Variants in ICA1 observed in about 807,000 individuals in gnomAD.
ICA1 encodes islet cell autoantigen 1, also known as 69 kDa islet cell autoantigen.
In ICA1, 40 loss-of-function variants were observed where a neutral mutation model predicts 71.0. The ratio of observed to expected loss-of-function variants is 0.56; its 90% CI spans 0.44 to 0.73. The LOEUF (loss-of-function observed/expected upper bound fraction) is 0.73. Among genes scored for constraint, ICA1 ranks in the 30% least tolerant of loss-of-function variants. ICA1 has a pLI of 0.00. For missense variants in ICA1, 578 were observed against 576.5 expected, an observed-to-expected ratio of 1.00 and a Z score of -0.03; for synonymous variants, 207 against 209.5, an observed-to-expected ratio of 0.99 and a Z score of 0.10.
chr7:8,137,254 T>C (rs1400236246), intron 12 of ICA1, among the ~76,000 whole-genome samples: 1 of 151,988 alleles, frequency 6.6e-6, no homozygotes, highest in Non-Finnish European at 1.5e-5. Flanking sequence ...TACTACCTAG[T>C]CAAATTCAAA....
chr7:8,239,568 G>C (rs1335792850), intron 1 of ICA1, among the ~76,000 whole-genome samples: 4 of 152,240 alleles, frequency 2.6e-5, no homozygotes, highest in Non-Finnish European at 4.4e-5. Flanking sequence ...GCAACCCACA[G>C]AGGGTGAGCC....
At chr7:8,210,957 G>A (rs1793584024) in intron 6 of ICA1, among the ~76,000 whole-genome samples, 1 of 137,348 alleles carries the variant, frequency 7.3e-6, no homozygotes. Context: ...CTGGGTTGGC[G>A]GGACTCCTGA....
intron 6 of ICA1, among the ~76,000 whole-genome samples, chr7:8,189,785 G>C (rs540973716): frequency 1.3e-5 from 2 of 151,650 alleles, no homozygotes; most frequent in African/African-American, 4.9e-5. Context: ...GGCTGGGCAG[G>C]GGGGCTGGGC....
chr7:8,259,412 C>T (rs1252098410), intron 1 of ICA1, among the ~76,000 whole-genome samples: 1 of 152,134 alleles, frequency 6.6e-6, no homozygotes, highest in African/African-American at 2.4e-5. Flanking sequence ...GAGTGTTTTC[C>T]ATAAAGCCCA....
At chr7:8,199,921 G>C (rs1047424423) in intron 6 of ICA1, among the ~76,000 whole-genome samples, 1 of 152,174 alleles carries the variant, frequency 6.6e-6, no homozygotes, top group African/African-American at 2.4e-5. Flanking sequence ...AGGGTAATGG[G>C]AAGTGGGAAG....
chr7:8,155,286 C>A (rs1037500784), intron 8 of ICA1, among the ~76,000 whole-genome samples: 1 of 152,198 alleles, frequency 6.6e-6, no homozygotes, highest in African/African-American at 2.4e-5. Context: ...AACAGATAGT[C>A]ATCTGCCCAA....
chr7:8,145,439 CTA>C (rs1796534373), intron 8 of ICA1, among the ~76,000 whole-genome samples: 1 of 152,044 alleles, frequency 6.6e-6, no homozygotes, highest in Admixed American at 6.5e-5. Context: ...CTCATTAATC[CTA>C]TGAGTGTTTT....
chr7:8,248,983 C>A (rs1034306686), intron 1 of ICA1, among the ~76,000 whole-genome samples: 1 of 152,154 alleles, frequency 6.6e-6, no homozygotes, highest in Admixed American at 6.5e-5. Context: ...GACCTCCTGA[C>A]CAATAGTTTT....
chr7:8,195,704 G>GAAAAA (rs1787234605), intron 6 of ICA1, among the ~76,000 whole-genome samples: 1 of 151,992 alleles, frequency 6.6e-6, no homozygotes, highest in Non-Finnish European at 1.5e-5. Context: ...ATCCGGCCGG[G>GAAAAA]CACAGTGGCT....
chr7:8,192,299 CT>C (rs934988585), intron 6 of ICA1, among the ~76,000 whole-genome samples: 2 of 152,084 alleles, frequency 1.3e-5, no homozygotes, highest in African/African-American at 4.8e-5. Flanking sequence ...CTGGGTCTGT[CT>C]TTTTTCAGGG....
At chr7:8,162,025 G>T (rs1164088688) in intron 6 of ICA1, among the ~76,000 whole-genome samples, 2 of 152,164 alleles carry the variant, frequency 1.3e-5, no homozygotes, top group African/African-American at 4.8e-5. Flanking sequence ...TATTCGTAAG[G>T]CTGGCCTACT....
At chr7:8,195,386 G>GA (rs1787111798) in intron 6 of ICA1, among the ~76,000 whole-genome samples, 1 of 151,482 alleles carries the variant, frequency 6.6e-6, no homozygotes, top group East Asian at 2.0e-4. Flanking sequence ...ACTAAAAATA[G>GA]AAAAAATTAG....
At chr7:8,143,531 C>T (rs1050843327) in intron 9 of ICA1, among the ~76,000 whole-genome samples, 1 of 152,136 alleles carries the variant, frequency 6.6e-6, no homozygotes, top group South Asian at 2.1e-4. Flanking sequence ...TGACAAAGGA[C>T]CAGATAGGGT....
intron 8 of ICA1, chr7:8,156,847 A>G (rs1214530505): frequency 6.7e-7 from 1 of 1,497,594 alleles, no homozygotes; most frequent in East Asian, 2.5e-5. Context: ...TTCATCTCCC[A>G]GGAACATGTA....
intron 9 of ICA1, 141 bp downstream of exon 9, chr7:8,143,734 T>G: frequency 1.6e-6 from 1 of 608,480 alleles, no homozygotes; most frequent in South Asian, 2.1e-5. Flanking sequence ...GGGGTTTGGC[T>G]GGGATGCTAA....
At position 8,144,016 on chromosome 7, in the gene ICA1, GAAGAAATAGAGACAAAAAAAAGAA is replaced by G; in HGVS notation, c.805-68_805-45del. ...AAAAATGAAAAAGAAAAAAAAAGAAGAAGAAATAGAGACAAAAAAAAGAAAAGAAAGGTTATCAATTAAAAAATT... is the reference window on the plus strand; with the variant it reads ...AAAAATGAAAAAGAAAAAAAAAGAAGAAGAAAGGTTATCAATTAAAAAATT... On this transcript the variant is annotated intron_variant, in intron 8 of 13. Transcript: ENST00000402384. This position sits in a 1 kb window ranked among gnomAD's most constrained non-coding sequence, Gnocchi z 4.5. 9.3e-7 allele frequency: 1 copy of G among 1,080,190 alleles called. No homozygotes were observed. The highest frequency in any genetic ancestry group is 1.4e-6 in the Non-Finnish European group (1 of 726,230). The allele number at this position is 1,080,190 out of a possible 1,614,324, so 66.9% of individuals were successfully genotyped here.
intron 1 of ICA1, among the ~76,000 whole-genome samples, chr7:8,251,714 T>C (rs1808280348): frequency 2.0e-5 from 3 of 152,032 alleles, no homozygotes; most frequent in Admixed American, 2.0e-4. Flanking sequence ...CCAAGAGATG[T>C]TTCTGAAAGG....
At chr7:8,256,284 T>A (rs1390919552) in intron 1 of ICA1, among the ~76,000 whole-genome samples, 1 of 152,216 alleles carries the variant, frequency 6.6e-6, no homozygotes, top group Non-Finnish European at 1.5e-5. Context: ...TAAAATGTTT[T>A]AATTGCTTTC....
chr7:8,190,083 C>T (rs1045437826), intron 6 of ICA1, among the ~76,000 whole-genome samples: 1 of 152,152 alleles, frequency 6.6e-6, no homozygotes, highest in African/African-American at 2.4e-5. Context: ...TACTTTTGCA[C>T]AAAATTCATA....
Sources: gnomAD v4.1 joint callset for allele counts (sites outside exome capture counted in the v4.1 genomes callset) on GRCh38, gnomAD v4.1.1 for gene constraint, Gnocchi (gnomAD v3.1) non-coding constraint, MANE v1.5 for transcripts, NCBI Gene and HGNC (gene_info 2026-07-23, HGNC 2026-07-21) for gene names.